Variants in CENPK observed in about 807,000 individuals in gnomAD.
The protein encoded by CENPK is SoxLZ/Sox6-binding protein Solt.
A neutral mutation model predicts 40.9 loss-of-function variants in CENPK; 46 were observed. That is an observed-to-expected ratio of 1.13 (90% CI 0.89 to 1.44). The LOEUF (loss-of-function observed/expected upper bound fraction) is 1.44, where lower values mean the gene tolerates loss of function less well. Among genes scored for constraint, CENPK ranks in the 40% most tolerant of loss-of-function variants. The pLI is 0.00. For missense variants in CENPK, 288 were observed against 303.5 expected (o/e 0.95, Z 0.38); for synonymous variants, 107 against 104.4 (o/e 1.02, Z -0.15).
chr5:65,504,457 C>CCAA, the CENPK span, among the ~76,000 whole-genome samples: 1 of 100,068 alleles, frequency 1.0e-5, no homozygotes. Context: ...AATTCCGTAT[C>CCAA]AAAAAAAAAA....
At chr5:65,551,985 A>T (rs1283242899) in intron 4 of CENPK, among the ~76,000 whole-genome samples, 2 of 143,354 alleles carry the variant, frequency 1.4e-5, no homozygotes, top group Admixed American at 1.4e-4. Context: ...TTTTTGAGAC[A>T]GTCTTACTCT....
intron 5 of CENPK, 98 bp from the exon 6 acceptor site, chr5:65,542,946 C>T: frequency 3.1e-6 from 3 of 979,604 alleles, no homozygotes; most frequent in Non-Finnish European, 4.6e-6. Context: ...TTCTTTCCAT[C>T]TCCATTTATA....
chr5:65,504,707 C>T, the CENPK span, among the ~76,000 whole-genome samples: 10 of 152,006 alleles, frequency 6.6e-5, no homozygotes, highest in Non-Finnish European at 1.5e-4. Flanking sequence ...CTCTGAAGTA[C>T]GATATCCCTG....
At chr5:65,540,969 A>ACAC (rs1747866117) in intron 6 of CENPK, among the ~76,000 whole-genome samples, 1 of 151,632 alleles carries the variant, frequency 6.6e-6, no homozygotes, top group Admixed American at 6.6e-5. Flanking sequence ...CATCACACAC[A>ACAC]CACCACCACA....
In CENPK at chr5:65,548,687, CT is replaced by C. The variant is rs1749442967; in HGVS notation, c.241+2876del. Among the ~76,000 whole-genome samples, 3 of 152,152 alleles carry C rather than the reference CT, an allele frequency of 2.0e-5. No individual in the cohort carries two copies. In the East Asian group the frequency reaches 5.8e-4, roughly 29 times the overall value. ...GTCATTTCAACCGTGTTCAAAGCATCTTCACTGGGAGTAGATTCCATCTCAA... is the reference window on the plus strand; with the variant it reads ...GTCATTTCAACCGTGTTCAAAGCATCTCACTGGGAGTAGATTCCATCTCAA... On this transcript the variant is annotated intron_variant, in intron 5 of 10. Transcript: ENST00000396679.
intron 5 of CENPK, among the ~76,000 whole-genome samples, chr5:65,548,355 T>C (rs1017530378): frequency 2.0e-5 from 3 of 152,246 alleles, no homozygotes; most frequent in African/African-American, 7.2e-5. Flanking sequence ...AGATGCCTAA[T>C]CTGAGCCTTC....
chr5:65,528,041 A>C (rs1745043713), intron 9 of CENPK, among the ~76,000 whole-genome samples: 1 of 152,138 alleles, frequency 6.6e-6, no homozygotes, highest in Non-Finnish European at 1.5e-5. Context: ...GGAGTTCAAG[A>C]CCAGCCTGGG....
rs148514061 is a variant in CENPK at position 65,526,108 on chromosome 5, G to A, written c.597+2344C>T. On this transcript the variant is annotated intron_variant, in intron 9 of 10. Transcript: ENST00000396679. Reference sequence around the variant, plus strand: ...AAAAAGAAGTGAGGTTATCAAATCTGACTTAATGACCCGATAATGGCTCAT... The same window carrying A: ...AAAAAGAAGTGAGGTTATCAAATCTAACTTAATGACCCGATAATGGCTCAT... Among the ~76,000 whole-genome samples, 18 of 152,306 alleles carry A rather than the reference G, an allele frequency of 1.2e-4. No individual in the cohort carries two copies. In the East Asian group the frequency reaches 3.5e-3, roughly 29 times the overall value.
chr5:65,557,213 C>G (rs1188379115), intron 2 of CENPK, among the ~76,000 whole-genome samples: 2 of 152,184 alleles, frequency 1.3e-5, no homozygotes, highest in African/African-American at 4.8e-5. Flanking sequence ...CTGTCAAACA[C>G]TGGAGACAGG....
At chr5:65,510,949 C>A in the CENPK span, among the ~76,000 whole-genome samples, 2 of 152,086 alleles carry the variant, frequency 1.3e-5, no homozygotes, top group African/African-American at 4.8e-5. Flanking sequence ...TCAGAGTCAC[C>A]AGCAGCAAGA....
chr5:65,518,386 C>T lies in CENPK; in HGVS notation c.*89G>A, dbSNP rs1743085588. ...AAGATGGCCTATGCGCATTAATTTG[C>T]AAATAATGTTTTTTATCCAAATAGT... is the stretch of plus-strand genomic sequence containing the variant. On this transcript the variant is annotated 3_prime_UTR_variant, in exon 11 of 11. Coordinates refer to ENST00000396679, the MANE Select transcript of CENPK (RefSeq NM_022145.5). 3.0e-6 allele frequency: 4 copies of T among 1,349,242 alleles called. No individual in the cohort carries two copies. Among genetic ancestry groups the T allele is most frequent in the Admixed American group, 2.3e-5 (1 of 43,026 alleles). The allele number at this position is 1,349,242 out of a possible 1,614,324, so 83.6% of individuals were successfully genotyped here. A position where few individuals can be genotyped will look rare whatever the true frequency, so the allele number is the denominator to read the frequency against.
At chr5:65,500,762 A>T in the CENPK span, among the ~76,000 whole-genome samples, 1 of 152,184 alleles carries the variant, frequency 6.6e-6, no homozygotes, top group East Asian at 1.9e-4. Context: ...TCCTGGGTTC[A>T]AGCAATTCTC....
chr5:65,538,583 G>A (rs576853101), intron 6 of CENPK, among the ~76,000 whole-genome samples: 20 of 152,110 alleles, frequency 1.3e-4, no homozygotes, highest in Admixed American at 2.6e-4. Flanking sequence ...TTTTCTCAGC[G>A]AAAGATTCAA....
intron 10 of CENPK, among the ~76,000 whole-genome samples, chr5:65,519,460 C>T (rs950234565): frequency 3.9e-5 from 6 of 152,144 alleles, no homozygotes; most frequent in African/African-American, 1.4e-4. Flanking sequence ...CTTCCGGTGC[C>T]TTCACAAATT....
chr5:65,522,269 T>C (rs1011008365), intron 9 of CENPK, among the ~76,000 whole-genome samples: 5 of 152,318 alleles, frequency 3.3e-5, no homozygotes, highest in African/African-American at 7.2e-5. Flanking sequence ...CAGTTTGTCA[T>C]GTTAGCTCAA....
chr5:65,508,842 G>A, the CENPK span, among the ~76,000 whole-genome samples: 3 of 149,342 alleles, frequency 2.0e-5, no homozygotes, highest in Non-Finnish European at 1.5e-5. Context: ...AAAATGTTGT[G>A]CATTGGTTTG....
At chr5:65,551,960 ATT>A (rs369700253) in intron 4 of CENPK, among the ~76,000 whole-genome samples, 12 of 125,238 alleles carry the variant, frequency 9.6e-5, no homozygotes, top group Admixed American at 8.1e-5. Flanking sequence ...CCTTTGTTCT[ATT>A]TTTTTTTTTT....
chr5:65,540,994 T>G (rs1209743123), intron 6 of CENPK, among the ~76,000 whole-genome samples: 1 of 151,916 alleles, frequency 6.6e-6, no homozygotes, highest in Non-Finnish European at 1.5e-5. Flanking sequence ...GAAGATTTTT[T>G]ATTTTTTTTG....
chr5:65,534,472 GGTAAAAA>G (rs1746517463), intron 6 of CENPK, among the ~76,000 whole-genome samples: 2 of 151,792 alleles, frequency 1.3e-5, no homozygotes, highest in South Asian at 4.1e-4. Context: ...TTAAAGCTTT[GGTAAAAA>G]ACATAATGTG....
Sources: gnomAD v4.1 joint callset for allele counts (sites outside exome capture counted in the v4.1 genomes callset) on GRCh38, gnomAD v4.1.1 for gene constraint, MANE v1.5 for transcripts, NCBI Gene and HGNC (gene_info 2026-07-23, HGNC 2026-07-21) for gene names.